ADGRL3: variants seen among roughly 807,000 people sequenced by gnomAD.
The protein encoded by ADGRL3 is calcium-independent alpha-latrotoxin receptor 3.
ADGRL3 carries 62 observed loss-of-function variants against 153.5 expected under a neutral mutation model. The ratio of observed to expected loss-of-function variants is 0.40; its 90% CI spans 0.33 to 0.50. The LOEUF is 0.50. Ranked by LOEUF, ADGRL3 falls within the 20% of genes least tolerant of loss-of-function variation. The pLI is 0.47. For missense variants in ADGRL3, 1,641 were observed against 1,859.4 expected (o/e 0.88, Z 2.16); for synonymous variants, 710 against 672.5 (o/e 1.06, Z -0.86).
chr4:61,509,576 A>G (rs1314041268), intron 3 of ADGRL3, among the ~76,000 whole-genome samples: 2 of 151,754 alleles, frequency 1.3e-5, no homozygotes, highest in African/African-American at 4.8e-5. Flanking sequence ...ACCTGATTTC[A>G]TTATTTTTTA....
chr4:61,385,718 G>T (rs2096728094), intron 2 of ADGRL3: 1 of 152,162 alleles, frequency 6.6e-6, no homozygotes, highest in Non-Finnish European at 1.5e-5. Flanking sequence ...TAAAAAGGAT[G>T]ATTGCCTGAG....
rs1341020430 is a variant in ADGRL3, at chr4:62,072,700, CAT to C, written c.*1797_*1798del. On this transcript the variant is annotated 3_prime_UTR_variant, in exon 27 of 27. Transcript: ENST00000683033. ...CATAACTTAATGTTGAGCAGGTTAA[CAT>C]ATATGTTACTATTTGCTTATCTATA... is the stretch of plus-strand genomic sequence containing the variant. 6.6e-6 allele frequency: 1 copy of C among 151,938 alleles called. No homozygotes were observed. The highest frequency in any genetic ancestry group is 1.5e-5 in the Non-Finnish European group (1 of 68,004). 9.4% of individuals were successfully genotyped at this position (151,938 alleles called of 1,614,324 possible). A position where few individuals can be genotyped will look rare whatever the true frequency, so the allele number is the denominator to read the frequency against.
At chr4:61,948,443 A>C (rs2150319410) in intron 17 of ADGRL3, among the ~76,000 whole-genome samples, 167 bp downstream of exon 17, 1 of 152,326 alleles carries the variant, frequency 6.6e-6, no homozygotes, top group Admixed American at 6.5e-5. Context: ...GATGATTCAA[A>C]GAACTTGTTA....
chr4:61,228,261 A>G (rs1372974483), intron 1 of ADGRL3, among the ~76,000 whole-genome samples: 1 of 152,214 alleles, frequency 6.6e-6, no homozygotes, highest in Non-Finnish European at 1.5e-5. Context: ...CTTATTCTGA[A>G]GTACATTTTT....
intron 1 of ADGRL3, among the ~76,000 whole-genome samples, chr4:61,343,176 G>C (rs1164191919): frequency 1.3e-5 from 2 of 152,136 alleles, no homozygotes; most frequent in African/African-American, 4.8e-5. Flanking sequence ...TTCAAGACGA[G>C]ATTTGGGTGG....
At position 61,497,293 on chromosome 4, in the gene ADGRL3, C is replaced by T; in HGVS notation, c.-1C>T. The T allele has an allele frequency of 6.3e-7, 1 of 1,592,236 alleles. No homozygotes were observed. The highest frequency in any genetic ancestry group is 8.6e-7 in the Non-Finnish European group (1 of 1,165,688). ...AATACTCCATACCTGAGTAGACAGC[C>T]ATGTGGCCATCGCAGCTACTAATTT... On this transcript the variant is annotated 5_prime_UTR_variant, in exon 3 of 27. Coordinates refer to ENST00000683033, the MANE Select transcript of ADGRL3 (RefSeq NM_001387552.1).
At chr4:62,043,844 G>C (rs1729678543) in intron 24 of ADGRL3, among the ~76,000 whole-genome samples, 1 of 151,884 alleles carries the variant, frequency 6.6e-6, no homozygotes, top group Admixed American at 6.6e-5. Context: ...ACTTCCTATG[G>C]AAGCAATGAA....
At chr4:62,006,999 A>G (rs1014749324) in intron 21 of ADGRL3, among the ~76,000 whole-genome samples, 2 of 152,050 alleles carry the variant, frequency 1.3e-5, no homozygotes, top group African/African-American at 2.4e-5. Flanking sequence ...GTCAACAAGG[A>G]CCAAAGCTCT....
Position 61,733,473 on chromosome 4 carries a change from A to G in ADGRL3, c.1318A>G (p.Arg440Gly). The G allele has an allele frequency of 6.2e-7, 1 of 1,613,702 alleles. No homozygotes were observed. The highest frequency in any genetic ancestry group is 8.5e-7 in the Non-Finnish European group (1 of 1,179,768). The change falls in exon 8 of 27, where the codon AGG becomes GGG. Residue 440 changes from arginine to glycine, a missense_variant. Arg to Gly is a moderately radical substitution (Grantham distance 125, BLOSUM62 -2). This residue lies in a region of ADGRL3 where 734 missense variants were observed against 797.0 expected (regional missense o/e 0.92). Coordinates refer to ENST00000683033, the MANE Select transcript of ADGRL3 (RefSeq NM_001387552.1). ...CATTGCAGCTGTGGATTACAACCCC[A>G]GGGACAACCTACTTTATGTATGGAA... ...QYIAAVDYNP[R>G]DNLLYVWNNY...
intron 1 of ADGRL3, among the ~76,000 whole-genome samples, chr4:61,381,810 T>C (rs2151905031): frequency 6.6e-6 from 1 of 151,990 alleles, no homozygotes; most frequent in African/African-American, 2.4e-5. Context: ...CAGTGAAATT[T>C]AAGCAGTTGA....
chr4:61,324,411 G>A (rs2095425763), intron 1 of ADGRL3, among the ~76,000 whole-genome samples: 1 of 152,010 alleles, frequency 6.6e-6, no homozygotes, highest in African/African-American at 2.4e-5. Flanking sequence ...ATGTTTGAAT[G>A]AGAGCCTGAT....
chr4:61,777,204 G>A (rs562968280), intron 8 of ADGRL3, among the ~76,000 whole-genome samples: 57 of 152,108 alleles, frequency 3.7e-4, no homozygotes, highest in African/African-American at 1.3e-3. Flanking sequence ...GTGGTGGCGG[G>A]CACCTGTAGA....
intron 1 of ADGRL3, among the ~76,000 whole-genome samples, chr4:61,313,330 A>C (rs556237051): frequency 6.6e-6 from 1 of 152,334 alleles, no homozygotes; most frequent in African/African-American, 2.4e-5. Context: ...GCCACTATAC[A>C]TTTGTTAAAA....
At chr4:61,454,617 G>A (rs1260151681) in intron 2 of ADGRL3, among the ~76,000 whole-genome samples, 2 of 152,050 alleles carry the variant, frequency 1.3e-5, no homozygotes, top group Non-Finnish European at 2.9e-5. Flanking sequence ...CATATAGTCT[G>A]TATGAATTTG....
chr4:61,585,703 G>C (rs921510558), intron 4 of ADGRL3, among the ~76,000 whole-genome samples: 3 of 151,886 alleles, frequency 2.0e-5, no homozygotes, highest in Admixed American at 6.6e-5. Flanking sequence ...TATAAAAGAA[G>C]ATTTGTTGAG....
intron 4 of ADGRL3, among the ~76,000 whole-genome samples, chr4:61,533,310 G>A (rs2098635084): frequency 6.6e-6 from 1 of 152,150 alleles, no homozygotes; most frequent in Admixed American, 6.5e-5. Flanking sequence ...GAGGTAGACT[G>A]GTTTTAGCTC....
chr4:61,848,721 T>C (rs1023548227), intron 9 of ADGRL3, among the ~76,000 whole-genome samples: 3 of 152,202 alleles, frequency 2.0e-5, no homozygotes, highest in Non-Finnish European at 4.4e-5. Context: ...ACTTCTGGGT[T>C]AATAATTTTA....
At chr4:61,950,061 C>T (rs2150338969) in intron 17 of ADGRL3, among the ~76,000 whole-genome samples, 1 of 152,272 alleles carries the variant, frequency 6.6e-6, no homozygotes, top group Admixed American at 6.5e-5. Flanking sequence ...ATTTAACTAA[C>T]ACTACTTAGC....
intron 2 of ADGRL3, among the ~76,000 whole-genome samples, chr4:61,456,382 TATATA>T (rs1326786540): frequency 5.0e-5 from 6 of 120,174 alleles, no homozygotes; most frequent in African/African-American, 1.6e-4. Flanking sequence ...TATCTATATA[TATATA>T]TAGATATATC....
Sources: allele counts gnomAD v4.1 joint callset (sites outside exome capture counted in the v4.1 genomes callset), GRCh38; gene constraint gnomAD v4.1.1; regional missense constraint gnomAD v4.1.1; transcripts MANE v1.5; gene names NCBI Gene and HGNC (gene_info 2026-07-23, HGNC 2026-07-21).